FARP1: variants seen among roughly 807,000 people sequenced by gnomAD.
FARP1 encodes FERM, ARH/RhoGEF and pleckstrin domain protein 1.
Under a neutral mutation model 128.8 loss-of-function variants are expected in FARP1, and 52 were observed. The observed-to-expected ratio is 0.40, with a 90% CI of 0.32 to 0.51. The LOEUF is 0.51. Ranked by LOEUF, FARP1 falls within the 20% of genes least tolerant of loss-of-function variation. FARP1 has a pLI of 0.45. For synonymous variants in FARP1, 580 were observed against 551.8 expected (o/e 1.05, Z -0.72); for missense variants, 1,333 against 1,367.9 (o/e 0.97, Z 0.40).
intron 3 of FARP1, among the ~76,000 whole-genome samples, chr13:98,349,553 C>T (rs551700791): frequency 7.9e-5 from 12 of 151,808 alleles, no homozygotes; most frequent in Non-Finnish European, 7.4e-5. Context: ...CGTCTATATT[C>T]GCAGTTACTT....
intron 1 of FARP1, chr13:98,178,013 A>T (rs989633399): frequency 3.3e-5 from 5 of 152,310 alleles, no homozygotes; most frequent in East Asian, 1.9e-4. Context: ...CTTTATTAAA[A>T]GACTGTCATA....
intron 2 of FARP1, 126 bp downstream of exon 2, chr13:98,213,539 C>A: frequency 1.1e-6 from 1 of 936,356 alleles, no homozygotes; most frequent in Non-Finnish European, 1.6e-6. Context: ...TCAGCACCTC[C>A]CTCCCCGCCC....
chr13:98,175,885 G>T (rs1014348290), intron 1 of FARP1: 5 of 439,548 alleles, frequency 1.1e-5, no homozygotes, highest in African/African-American at 1.0e-4. Flanking sequence ...ATCTTTAAAA[G>T]GATTTCCTTC....
intron 1 of FARP1, among the ~76,000 whole-genome samples, chr13:98,144,257 C>T (rs1207151983): frequency 2.0e-5 from 3 of 151,856 alleles, no homozygotes; most frequent in East Asian, 1.9e-4. Flanking sequence ...TACGAATTCC[C>T]TGTAATGAGT....
chr13:98,403,135 C>T (rs1446714478), intron 13 of FARP1: 1 of 149,922 alleles, frequency 6.7e-6, no homozygotes, highest in African/African-American at 2.5e-5. Context: ...ACTTGGAATA[C>T]CTCTTTCCTC....
At chr13:98,161,776 TCTTTCTTTCTCC>T (rs1044252571) in intron 1 of FARP1, among the ~76,000 whole-genome samples, 3 of 151,972 alleles carry the variant, frequency 2.0e-5, no homozygotes, top group Non-Finnish European at 2.9e-5. Context: ...GTTCCTTCCT[TCTTTCTTTCTCC>T]CTTTCTTTCG....
chr13:98,206,827 A>G (rs1880301353), intron 1 of FARP1, among the ~76,000 whole-genome samples: 1 of 152,244 alleles, frequency 6.6e-6, no homozygotes, highest in Non-Finnish European at 1.5e-5. Context: ...TTTAACTTTA[A>G]GGTCTGGAAT....
chr13:98,361,461 T>C (rs1266265238), intron 3 of FARP1, among the ~76,000 whole-genome samples: 1 of 152,208 alleles, frequency 6.6e-6, no homozygotes, highest in East Asian at 1.9e-4. Flanking sequence ...GCAACTGCAC[T>C]GCCAAAGTGT....
Position 98,377,834 on chromosome 13 carries a change from C to G in FARP1, c.412C>G (p.Leu138Val). 6.2e-7 allele frequency: 1 copy of G among 1,613,872 alleles called. No homozygotes were observed. Among genetic ancestry groups the G allele is most frequent in the Non-Finnish European group, 8.5e-7 (1 of 1,179,750 alleles). Reference sequence around the variant, plus strand: ...TGATCTTCGCAGGTACCTGTTCGCGCTGCAGGTGAAGCAGGACTTGGCTCA... The same window carrying G: ...TGATCTTCGCAGGTACCTGTTCGCGGTGCAGGTGAAGCAGGACTTGGCTCA... Reference protein sequence around the residue: ...QEELTRYLFALQVKQDLAQGR... With the variant: ...QEELTRYLFAVQVKQDLAQGR... The change falls in exon 6 of 27, where the codon CTG becomes GTG. Residue 138 changes from leucine (L) to valine (V), a missense_variant. By Grantham distance (32) the Leu-to-Val change is conservative. Around this residue, in one of 2 missense-constraint regions of FARP1, gnomAD observed 324 missense variants for 398.1 expected, o/e 0.81. Coordinates refer to ENST00000319562, the MANE Select transcript of FARP1 (RefSeq NM_005766.4).
upstream of FARP1, chr13:98,142,951 AGCGGG>A (rs545783175): frequency 6.7e-6 from 1 of 149,866 alleles, no homozygotes; most frequent in African/African-American, 2.4e-5. Flanking sequence ...GGCGGAGCGG[AGCGGG>A]GCGGGGCGGG....
chr13:98,329,534 C>T (rs1388478166), intron 2 of FARP1: 1 of 152,126 alleles, frequency 6.6e-6, no homozygotes, highest in Non-Finnish European at 1.5e-5. Flanking sequence ...TGCTGGCGTG[C>T]ACCTGTAATC....
intron 17 of FARP1, 66 bp downstream of exon 17, chr13:98,424,716 C>T (rs1891715149): frequency 9.1e-7 from 1 of 1,095,854 alleles, no homozygotes; most frequent in Non-Finnish European, 1.4e-6. Context: ...CTGCCATGGG[C>T]ATAGGCTGTA....
chr13:98,336,579 G>A (rs1887755075), intron 2 of FARP1, among the ~76,000 whole-genome samples: 1 of 152,160 alleles, frequency 6.6e-6, no homozygotes, highest in African/African-American at 2.4e-5. Context: ...GCCTAGAAAT[G>A]TTTTAAAGTC....
chr13:98,360,503 C>T (rs757857167), intron 3 of FARP1, among the ~76,000 whole-genome samples: 20 of 152,146 alleles, frequency 1.3e-4, no homozygotes, highest in Non-Finnish European at 2.5e-4. Context: ...GGGGAAAGAC[C>T]AGGCAAGGAT....
intron 2 of FARP1, among the ~76,000 whole-genome samples, chr13:98,296,384 G>A (rs1233497995): frequency 1.3e-5 from 2 of 151,990 alleles, no homozygotes; most frequent in Non-Finnish European, 2.9e-5. Flanking sequence ...TCCCATTCCA[G>A]TTCTCTGGAT....
chr13:98,211,051 A>G (rs1880675378), intron 1 of FARP1, among the ~76,000 whole-genome samples: 1 of 152,144 alleles, frequency 6.6e-6, no homozygotes, highest in East Asian at 1.9e-4. Flanking sequence ...TTAGTTATAT[A>G]TAGTACCATC....
Position 98,454,561 on chromosome 13 carries a change from T to A in FARP1, c.*6244T>A, listed in dbSNP as rs372486226. On this transcript the variant is annotated 3_prime_UTR_variant, in exon 27 of 27. Coordinates refer to ENST00000319562, the MANE Select transcript of FARP1 (RefSeq NM_005766.4). ...CTATCAAGAAATACAAATGACTAAA[T>A]CACGGGATGAGTTGATGTCACACAA... 3 of 152,286 alleles carry A rather than the reference T, an allele frequency of 2.0e-5. No homozygotes were observed. The East Asian group carries it at 5.8e-4, about 29-fold the overall frequency. The allele number at this position is 152,286 out of a possible 1,614,324, so 9.4% of individuals were successfully genotyped here.
At chr13:98,256,957 A>G (rs889160695) in intron 2 of FARP1, among the ~76,000 whole-genome samples, 4,239 of 83,742 alleles carry the variant, frequency 0.051, 294 homozygotes, top group African/African-American at 0.13. Context: ...GGATATATAT[A>G]TATATATATA....
intron 16 of FARP1, among the ~76,000 whole-genome samples, chr13:98,421,621 A>G (rs58532599): frequency 0.18 from 28,076 of 152,216 alleles, 2,788 homozygotes; most frequent in Middle Eastern, 0.26. Context: ...ACTTTGAGAG[A>G]CTGAGGCAGA....
Sources: gnomAD v4.1 joint callset for allele counts (sites outside exome capture counted in the v4.1 genomes callset) on GRCh38, gnomAD v4.1.1 for gene constraint, gnomAD v4.1.1 regional missense constraint, MANE v1.5 for transcripts, NCBI Gene and HGNC (gene_info 2026-07-23, HGNC 2026-07-21) for gene names.